The following MGAT4C variants were observed in gnomAD, a reference collection of about 807,000 sequenced individuals.
MGAT4C encodes alpha-1,3-mannosyl-glycoprotein 4-beta-N-acetylglucosaminyltransferase C.
Under a neutral mutation model 40.1 loss-of-function variants are expected in MGAT4C, and 19 were observed. That is an observed-to-expected ratio of 0.47 (90% CI 0.33 to 0.70). The LOEUF is 0.70. Among genes scored for constraint, MGAT4C ranks in the 30% least tolerant of loss-of-function variants. The pLI, the probability that MGAT4C is intolerant of heterozygous loss-of-function variation, is 0.02. For missense variants in MGAT4C, 491 were observed against 563.2 expected, an observed-to-expected ratio of 0.87 and a Z score of 1.30; for synonymous variants, 181 against 187.1, an observed-to-expected ratio of 0.97 and a Z score of 0.27.
intron 4 of MGAT4C, among the ~76,000 whole-genome samples, chr12:86,310,903 G>A (rs1019013323): frequency 3.9e-5 from 6 of 152,174 alleles, no homozygotes; most frequent in Admixed American, 1.3e-4. Context: ...CAGCCTGTGC[G>A]ACACAATGAG....
chr12:86,508,350 T>A (rs1253098349), intron 2 of MGAT4C, among the ~76,000 whole-genome samples: 1 of 152,172 alleles, frequency 6.6e-6, no homozygotes, highest in Admixed American at 6.6e-5. Context: ...AGAATGATGA[T>A]TTCCAATTTC....
chr12:86,509,736 T>C (rs537279193), intron 2 of MGAT4C, among the ~76,000 whole-genome samples: 1,645 of 152,180 alleles, frequency 0.011, 29 homozygotes, highest in African/African-American at 0.037. Flanking sequence ...TTTTATTTCA[T>C]TGAGCAGTGG....
At chr12:86,067,952 C>T (rs1446282646) in intron 1 of MGAT4C, 3 of 152,226 alleles carry the variant, frequency 2.0e-5, no homozygotes, top group South Asian at 4.1e-4. Flanking sequence ...GATCCTGGAT[C>T]CGTGAGCCCT....
chr12:86,640,696 G>A (rs1184426872), intron 2 of MGAT4C, among the ~76,000 whole-genome samples: 1 of 151,832 alleles, frequency 6.6e-6, no homozygotes, highest in Non-Finnish European at 1.5e-5. Context: ...TGTGATGTTA[G>A]GGTGTCAATT....
At chr12:86,641,408 T>C (rs555938050) in intron 2 of MGAT4C, among the ~76,000 whole-genome samples, 22 of 151,728 alleles carry the variant, frequency 1.4e-4, no homozygotes, top group African/African-American at 4.3e-4. Context: ...TTAGGAGATA[T>C]ACCTAATGCT....
chr12:86,780,036 A>G (rs1046990586), intron 1 of MGAT4C, among the ~76,000 whole-genome samples: 1 of 152,064 alleles, frequency 6.6e-6, no homozygotes, highest in African/African-American at 2.4e-5. Context: ...AAAATGAAAT[A>G]ATATAATTGC....
chr12:86,296,771 TCTCCCTCCACAC>T (rs1953691310), intron 4 of MGAT4C, among the ~76,000 whole-genome samples: 2 of 152,070 alleles, frequency 1.3e-5, no homozygotes, highest in South Asian at 4.1e-4. Context: ...TGCTCGCGCC[TCTCCCTCCACAC>T]CTCCCTGCAA....
At chr12:86,487,354 A>T (rs1958037178) in intron 2 of MGAT4C, among the ~76,000 whole-genome samples, 1 of 152,150 alleles carries the variant, frequency 6.6e-6, no homozygotes, top group Non-Finnish European at 1.5e-5. Flanking sequence ...AAGCCCTGGA[A>T]ATTGTTTTGC....
Position 86,637,668 on chromosome 12 carries a change from C to A in MGAT4C, c.-229+89541G>T, listed in dbSNP as rs1173693599. Among the ~76,000 whole-genome samples the A allele has an allele frequency of 3.3e-5, 5 of 151,988 alleles. No individual in the cohort carries two copies. The East Asian group carries it at 9.7e-4, about 30-fold the overall frequency. ...AAGCTCCTCAGGCCAGTTAAAATGG[C>A]ACCGAGATTTCATTTCCTATGATTA... On this transcript the variant is annotated intron_variant, in intron 2 of 7. Transcript: ENST00000548651.
intron 2 of MGAT4C, among the ~76,000 whole-genome samples, chr12:86,588,746 A>T (rs376857129): frequency 1.3e-5 from 2 of 152,048 alleles, no homozygotes. Flanking sequence ...GGATTAAGAA[A>T]CTCACTCAAA....
chr12:86,114,641 T>C (rs1247403064), intron 1 of MGAT4C, among the ~76,000 whole-genome samples: 2 of 151,876 alleles, frequency 1.3e-5, no homozygotes, highest in East Asian at 3.9e-4. Flanking sequence ...GCTAATTTAT[T>C]TTACTCGTGC....
chr12:86,346,818 G>C (rs1955044376), intron 3 of MGAT4C, among the ~76,000 whole-genome samples: 1 of 152,114 alleles, frequency 6.6e-6, no homozygotes, highest in African/African-American at 2.4e-5. Context: ...CAATCTGGGT[G>C]GGCACCATCC....
At chr12:86,682,894 A>T (rs1950007361) in intron 2 of MGAT4C, among the ~76,000 whole-genome samples, 1 of 152,196 alleles carries the variant, frequency 6.6e-6, no homozygotes, top group East Asian at 1.9e-4. Flanking sequence ...CAACACTATC[A>T]CCATCTCCTG....
chr12:86,321,359 A>G (rs1413241855), intron 4 of MGAT4C, among the ~76,000 whole-genome samples: 1 of 152,186 alleles, frequency 6.6e-6, no homozygotes, highest in Non-Finnish European at 1.5e-5. Flanking sequence ...ATTTAATTTA[A>G]GTTATGCCAT....
intron 3 of MGAT4C, among the ~76,000 whole-genome samples, chr12:86,411,441 T>C (rs915901080): frequency 1.3e-5 from 2 of 152,214 alleles, no homozygotes; most frequent in Non-Finnish European, 2.9e-5. Context: ...TGCAAAGAGC[T>C]TGGCAGCATT....
intron 2 of MGAT4C, among the ~76,000 whole-genome samples, chr12:86,708,492 C>T (rs1950501492): frequency 1.3e-5 from 2 of 152,168 alleles, no homozygotes; most frequent in Admixed American, 1.3e-4. Flanking sequence ...GGGGCACTGC[C>T]TAGTGTAGCT....
At chr12:86,316,703 C>A (rs937618014) in intron 4 of MGAT4C, among the ~76,000 whole-genome samples, 2 of 152,018 alleles carry the variant, frequency 1.3e-5, no homozygotes, top group African/African-American at 4.8e-5. Flanking sequence ...ACACTGGGGA[C>A]TATTGGTGGG....
At chr12:86,460,635 G>T (rs1272456194) in intron 2 of MGAT4C, among the ~76,000 whole-genome samples, 2 of 152,056 alleles carry the variant, frequency 1.3e-5, no homozygotes, top group African/African-American at 4.8e-5. Flanking sequence ...GTGTGTCTTT[G>T]TGTGTGTCTC....
chr12:86,426,793 A>G (rs1956934223), intron 3 of MGAT4C, among the ~76,000 whole-genome samples: 1 of 152,050 alleles, frequency 6.6e-6, no homozygotes, highest in South Asian at 2.1e-4. Flanking sequence ...TAAAAATACA[A>G]AAAATTAGCC....
Sources: gnomAD v4.1 joint callset for allele counts (sites outside exome capture counted in the v4.1 genomes callset) on GRCh38, gnomAD v4.1.1 for gene constraint, MANE v1.5 for transcripts, NCBI Gene and HGNC (gene_info 2026-07-23, HGNC 2026-07-21) for gene names.